DHX40: variants seen among roughly 807,000 people sequenced by gnomAD.
DHX40 encodes the protein probable ATP-dependent RNA helicase DHX40.
DHX40 carries 28 observed loss-of-function variants against 89.6 expected under a neutral mutation model. The observed-to-expected ratio is 0.31, with a 90% CI of 0.23 to 0.43. DHX40 has a LOEUF of 0.43. Ranked by LOEUF, DHX40 falls within the 20% of genes least tolerant of loss-of-function variation. DHX40 has a pLI of 1.00. For missense variants in DHX40, 457 were observed against 844.0 expected, an observed-to-expected ratio of 0.54 and a Z score of 5.68; for synonymous variants, 226 against 283.6, an observed-to-expected ratio of 0.80 and a Z score of 2.04.
chr17:59,575,546 C>T, intron 7 of DHX40, 75 bp downstream of exon 7: 1 of 1,509,742 alleles, frequency 6.6e-7, no homozygotes, highest in Non-Finnish European at 9.0e-7. Flanking sequence ...TACAGAAAAG[C>T]AGTCAGATCT....
In DHX40 at chr17:59,605,295, T is replaced by C. The variant is rs780656480; in HGVS notation, c.1971+111T>C. 969 of 1,266,236 alleles carry C rather than the reference T, an allele frequency of 7.7e-4. 1 individual carries two copies. Among genetic ancestry groups the C allele is most frequent in the Non-Finnish European group, 9.9e-4 (882 of 891,240 alleles). The allele number at this position is 1,266,236 out of a possible 1,614,324, so 78.4% of individuals were successfully genotyped here. ...GGAGTTAAATTTACATATATCTATA[T>C]TACATAGATCTATAAGGGTATTGGT... On this transcript the variant is annotated intron_variant, in intron 16 of 17. Coordinates refer to ENST00000251241, the MANE Select transcript of DHX40 (RefSeq NM_024612.5).
intron 11 of DHX40, among the ~76,000 whole-genome samples, chr17:59,587,224 CT>C (rs1200175491): frequency 7.7e-6 from 1 of 129,374 alleles, no homozygotes. Context: ...AAGACATCTT[CT>C]TTTTTTTTGT....
chr17:59,565,801 G>A lies in DHX40; in HGVS notation c.112+18G>A, dbSNP rs577759653. On this transcript the variant is annotated intron_variant, in intron 1 of 17. Coordinates refer to ENST00000251241, the MANE Select transcript of DHX40 (RefSeq NM_024612.5). Reference sequence around the variant, plus strand: ...CGATAGAGGTGCGGTCCGCGGGACGGTACGGAAGCCAGCGGGAGTTACGGC... The same window carrying A: ...CGATAGAGGTGCGGTCCGCGGGACGATACGGAAGCCAGCGGGAGTTACGGC... The A allele has an allele frequency of 2.5e-6, 4 of 1,585,400 alleles. No individual in the cohort carries two copies. In the South Asian group the frequency reaches 3.3e-5, roughly 13 times the overall value.
intron 12 of DHX40, among the ~76,000 whole-genome samples, chr17:59,589,911 G>T (rs530410072): frequency 7.1e-4 from 107 of 150,668 alleles, no homozygotes; most frequent in Non-Finnish European, 1.4e-3. Flanking sequence ...AGTAGAGATG[G>T]GGTTTCACCA....
chr17:59,596,227 TG>T (rs1195033637), intron 12 of DHX40, among the ~76,000 whole-genome samples: 9 of 152,098 alleles, frequency 5.9e-5, no homozygotes, highest in Admixed American at 5.9e-4. Context: ...TGATATCTTC[TG>T]GGGGATGGCA....
At chr17:59,565,816 G>C in intron 1 of DHX40, 33 bp downstream of exon 1, 1 of 1,557,600 alleles carries the variant, frequency 6.4e-7, no homozygotes, top group Non-Finnish European at 8.7e-7. Context: ...GAAGCCAGCG[G>C]GAGTTACGGC....
At chr17:59,588,408 A>G (rs972356903) in intron 12 of DHX40, among the ~76,000 whole-genome samples, 18 of 151,238 alleles carry the variant, frequency 1.2e-4, no homozygotes, top group Non-Finnish European at 1.5e-4. Context: ...TGGTGAGCCA[A>G]TATTGACACA....
intron 6 of DHX40, among the ~76,000 whole-genome samples, chr17:59,575,105 C>T (rs1009052774): frequency 2.0e-5 from 3 of 151,660 alleles, no homozygotes; most frequent in Non-Finnish European, 2.9e-5. Flanking sequence ...AAAAGCTTGA[C>T]GATGATAAAT....
intron 12 of DHX40, among the ~76,000 whole-genome samples, 177 bp downstream of exon 12, chr17:59,588,230 A>G (rs571877024): frequency 7.7e-5 from 11 of 142,178 alleles, no homozygotes; most frequent in Middle Eastern, 7.2e-3. Flanking sequence ...AAAAAAAAAA[A>G]AAAAAAAAAA....
intron 2 of DHX40, among the ~76,000 whole-genome samples, chr17:59,568,543 A>G (rs1456941813): frequency 6.6e-6 from 1 of 152,158 alleles, no homozygotes; most frequent in Non-Finnish European, 1.5e-5. Flanking sequence ...ATACATACAT[A>G]CTTTTGATAA....
At chr17:59,594,214 C>G (rs1247623554) in intron 12 of DHX40, among the ~76,000 whole-genome samples, 3 of 151,404 alleles carry the variant, frequency 2.0e-5, no homozygotes, top group Non-Finnish European at 4.4e-5. Context: ...TTTGGCTGGT[C>G]TGTCTCTATT....
In DHX40 at chr17:59,581,754, T is replaced by C. The variant is rs1173827319; in HGVS notation, c.1343+1875T>C. 1.3e-4 allele frequency among the ~76,000 whole-genome samples: 12 copies of C among 89,104 alleles called. 1 individual carries two copies. The highest frequency in any genetic ancestry group is 1.9e-4 in the Non-Finnish European group (10 of 52,318). 58.5% of individuals were successfully genotyped at this position (89,104 alleles called of 152,430 possible). ...AGCCTGGGCAACAAGAGCGAAACTC[T>C]GTCTCCAAAAAAAAAAAAAAACCAA... is the stretch of plus-strand genomic sequence containing the variant. On this transcript the variant is annotated intron_variant, in intron 10 of 17. Transcript: ENST00000251241.
At chr17:59,597,891 CG>C (rs1186280089) in intron 12 of DHX40, among the ~76,000 whole-genome samples, 1 of 149,502 alleles carries the variant, frequency 6.7e-6, no homozygotes, top group African/African-American at 2.5e-5. Context: ...GCCGAGATCG[CG>C]CCACTACACT....
In DHX40 at chr17:59,568,094, G is replaced by A. The variant is rs145292847; in HGVS notation, c.280+1300G>A. ...TAAAAATACAAAAATTAGGCGTGGTGGCGGGCGCCTATAATCCCAGCTACT... is the reference window on the plus strand; with the variant it reads ...TAAAAATACAAAAATTAGGCGTGGTAGCGGGCGCCTATAATCCCAGCTACT... On this transcript the variant is annotated intron_variant, in intron 2 of 17. Coordinates refer to ENST00000251241, the MANE Select transcript of DHX40 (RefSeq NM_024612.5). Among the ~76,000 whole-genome samples the A allele has an allele frequency of 7.0e-3, 1,068 of 152,232 alleles. 11 individuals carry two copies. Among genetic ancestry groups the A allele is most frequent in the African/African-American group, 0.024 (1,015 of 41,528 alleles).
At chr17:59,605,884 G>C in intron 17 of DHX40, 1 of 612,854 alleles carries the variant, frequency 1.6e-6, no homozygotes, top group Admixed American at 2.2e-5. Context: ...AGGATCGCTT[G>C]AACCCAGGAG....
chr17:59,565,765 G>C lies in DHX40; in HGVS notation c.94G>C (p.Val32Leu). The C allele has an allele frequency of 6.2e-7, 1 of 1,603,982 alleles. No homozygotes were observed. Among genetic ancestry groups the C allele is most frequent in the Non-Finnish European group, 8.5e-7 (1 of 1,178,830 alleles). The part of the protein sequence containing the change: ...RDLQEERLSA[V>L]CIADREEKGC... ...CCTCCAGGAAGAGCGGCTCTCGGCT[G>C]TTTGCATCGCCGATAGAGGTGCGGT... Residue 32 changes from valine to leucine, a missense_variant, in exon 1 of 18, where the codon GTT (valine) becomes CTT (leucine). Coordinates refer to ENST00000251241, the MANE Select transcript of DHX40 (RefSeq NM_024612.5).
chr17:59,601,966 A>T (rs1242861532), intron 14 of DHX40, among the ~76,000 whole-genome samples: 1 of 152,230 alleles, frequency 6.6e-6, no homozygotes, highest in African/African-American at 2.4e-5. Flanking sequence ...CGCCATTACT[A>T]GCCCTGTGAA....
rs1481392084 is a variant in DHX40 at position 59,585,615 on chromosome 17, C to T, written c.1344-538C>T. 6.0e-5 allele frequency among the ~76,000 whole-genome samples: 9 copies of T among 149,164 alleles called. No individual in the cohort carries two copies. The East Asian group carries it at 1.6e-3, about 26-fold the overall frequency. ...GCATGTGCCTGTAGTCCCAGCTACT[C>T]GGGAGGCTGAGGCAGGAGAATTGCT... On this transcript the variant is annotated intron_variant, in intron 10 of 17. Coordinates refer to ENST00000251241, the MANE Select transcript of DHX40 (RefSeq NM_024612.5).
At chr17:59,590,802 G>A (rs57117885) in intron 12 of DHX40, among the ~76,000 whole-genome samples, 8,675 of 151,556 alleles carry the variant, frequency 0.057, 727 homozygotes, top group African/African-American at 0.18. Context: ...TTTTAATTCT[G>A]GTAATACCCC....
Sources: allele counts gnomAD v4.1 joint callset (sites outside exome capture counted in the v4.1 genomes callset), GRCh38; gene constraint gnomAD v4.1.1; transcripts MANE v1.5; gene names NCBI Gene and HGNC (gene_info 2026-07-23, HGNC 2026-07-21).